SSBP4: variants seen among roughly 807,000 people sequenced by gnomAD.
SSBP4 encodes single stranded DNA binding protein 4, also known as single-stranded DNA-binding protein 4.
SSBP4 carries 33 observed loss-of-function variants against 64.6 expected under a neutral mutation model. That is an observed-to-expected ratio of 0.51 (90% CI 0.39 to 0.68). SSBP4 has a LOEUF of 0.68. Ranked by LOEUF, SSBP4 falls within the 30% of genes least tolerant of loss-of-function variation. The probability of loss-of-function intolerance (pLI) is 0.00; values close to 1 mark genes in which losing one functional copy is unlikely to be tolerated. For synonymous variants in SSBP4, 243 were observed against 224.0 expected (o/e 1.08, Z -0.76); for missense variants, 583 against 566.8 (o/e 1.03, Z -0.29).
rs1210968601 is a variant in SSBP4, at chr19:18,427,327, C to A, written c.60-24C>A. The A allele has an allele frequency of 2.5e-6, 4 of 1,606,526 alleles. No individual in the cohort carries two copies. In the Admixed American group the frequency reaches 6.7e-5, roughly 27 times the overall value. ...GCCCTTGCCTTGGAGAGTCTGAGCT[C>A]CCTGGGCCGCCTCGCCCCCACAGGT... On this transcript the variant is annotated intron_variant, in intron 1 of 17. Transcript: ENST00000270061. The surrounding 1 kb of genome is among the most constrained non-coding windows in gnomAD (Gnocchi z 4.4).
chr19:18,406,489 T>C, the SSBP4 span, among the ~76,000 whole-genome samples: 1 of 151,420 alleles, frequency 6.6e-6, no homozygotes, highest in Non-Finnish European at 1.5e-5. Context: ...CCTAAAAAAG[T>C]TTTTTTAAAT....
chr19:18,433,686 C>A (rs1202611559), intron 16 of SSBP4, 24 bp from the exon 17 acceptor site: 4 of 1,390,706 alleles, frequency 2.9e-6, no homozygotes, highest in Non-Finnish European at 3.7e-6. Context: ...CGGGGAGTTG[C>A]GAGCCGACGG....
At chr19:18,414,700 G>C (rs181024709), upstream of SSBP4, among the ~76,000 whole-genome samples, 1 of 152,290 alleles carries the variant, frequency 6.6e-6, no homozygotes, top group African/African-American at 2.4e-5. Flanking sequence ...TGTGGAGGAC[G>C]GACGTGGGGG....
At chr19:18,412,976 G>T in the SSBP4 span, among the ~76,000 whole-genome samples, 5 of 152,084 alleles carry the variant, frequency 3.3e-5, no homozygotes, top group African/African-American at 4.8e-5. Flanking sequence ...TAGGGAATGG[G>T]ACATGAGACA....
chr19:18,419,099 G>A, upstream of SSBP4: 1 of 985,606 alleles, frequency 1.0e-6, no homozygotes, highest in Non-Finnish European at 1.2e-6. Context: ...GTGTCGCTGC[G>A]AATGTGTGTG....
At chr19:18,413,888 G>C (rs1004624846), upstream of SSBP4, among the ~76,000 whole-genome samples, 1 of 152,132 alleles carries the variant, frequency 6.6e-6, no homozygotes, top group African/African-American at 2.4e-5. Context: ...GTGGTGGCAG[G>C]CACCTGTAAT....
Position 18,432,711 on chromosome 19 carries a change from C to A in SSBP4, c.762C>A (p.Ser254=), listed in dbSNP as rs752903133. ...GCCCTTGTCCCCAGATCCCCTACTC[C>A]TCCTCATCCCCCGGCAGCTACACCG... ...ASPSGNSIPY[S]SSSPGSYTGP... Residue 254 remains serine (S), a synonymous_variant, in exon 12 of 18, where the codon TCC becomes TCA. Coordinates refer to ENST00000270061, the MANE Select transcript of SSBP4 (RefSeq NM_032627.5). 1 of 1,579,314 alleles carries A rather than the reference C, an allele frequency of 6.3e-7. No individual in the cohort carries two copies. The highest frequency in any genetic ancestry group is 8.6e-7 in the Non-Finnish European group (1 of 1,158,226).
At chr19:18,406,102 A>G in the SSBP4 span, among the ~76,000 whole-genome samples, 1 of 151,990 alleles carries the variant, frequency 6.6e-6, no homozygotes, top group Non-Finnish European at 1.5e-5. Context: ...TCAGCCTCCC[A>G]AAGTGTCGGG....
chr19:18,423,432 G>C lies in SSBP4; in HGVS notation c.59+3725G>C, dbSNP rs948133051. 6.6e-6 allele frequency among the ~76,000 whole-genome samples: 1 copy of C among 152,162 alleles called. No individual in the cohort carries two copies. Among genetic ancestry groups the C allele is most frequent in the Non-Finnish European group, 1.5e-5 (1 of 68,036 alleles). On this transcript the variant is annotated intron_variant, in intron 1 of 17. Transcript: ENST00000270061. The surrounding 1 kb of genome is among the most constrained non-coding windows in gnomAD (Gnocchi z 4.0). ...AAGCTGCCAGAGGCCTGGCCTTTAG[G>C]GTTGGCAGAGGGGAGGGAGGACGGC... is the stretch of plus-strand genomic sequence containing the variant.
intron 17 of SSBP4, 84 bp from the exon 18 acceptor site, chr19:18,434,132 GT>G (rs1237088543): frequency 3.0e-5 from 47 of 1,589,728 alleles, no homozygotes; most frequent in Non-Finnish European, 3.9e-5. Flanking sequence ...GCCCTGCCCT[GT>G]CCCCCATTGT....
the SSBP4 span, among the ~76,000 whole-genome samples, chr19:18,404,618 C>T: frequency 7.9e-6 from 1 of 126,694 alleles, no homozygotes; most frequent in Non-Finnish European, 1.6e-5. Flanking sequence ...AAAGGCTGGG[C>T]GGGGTGGCTC....
At chr19:18,429,309 C>T (rs1973138376) in intron 4 of SSBP4, among the ~76,000 whole-genome samples, 1 of 151,800 alleles carries the variant, frequency 6.6e-6, no homozygotes, top group South Asian at 2.1e-4. Context: ...CAGGAAACGC[C>T]GGAGCGCCCA....
intron 17 of SSBP4, 144 bp from the exon 18 acceptor site, chr19:18,434,073 C>T (rs1197159734): frequency 3.7e-6 from 5 of 1,339,274 alleles, no homozygotes; most frequent in Non-Finnish European, 3.8e-6. Flanking sequence ...CCATGCATCG[C>T]CCCTCCCCCG....
chr19:18,433,087 A>C, intron 14 of SSBP4, 44 bp downstream of exon 14: 1 of 1,613,502 alleles, frequency 6.2e-7, no homozygotes, highest in Non-Finnish European at 8.5e-7. Flanking sequence ...CGGTGACCCC[A>C]CTTGGGGAAT....
the SSBP4 span, among the ~76,000 whole-genome samples, chr19:18,403,373 T>C: frequency 6.6e-6 from 1 of 152,220 alleles, no homozygotes; most frequent in African/African-American, 2.4e-5. Context: ...TCTTTCTCTA[T>C]ACTCTGTCTC....
At chr19:18,407,000 G>A in the SSBP4 span, among the ~76,000 whole-genome samples, 4 of 151,956 alleles carry the variant, frequency 2.6e-5, no homozygotes, top group South Asian at 4.2e-4. Flanking sequence ...CTGTGCCTTG[G>A]CTGCCTCCTC....
In SSBP4 at chr19:18,432,207, A is replaced by G. The variant is rs1256848132; in HGVS notation, c.697A>G (p.Met233Val). The stretch of plus-strand genomic sequence containing the variant: ...CCTCGCCGGCCCAGGCCTGCCTGCC[A>G]TGAACATGTAAGACCCTGGGGGATC... ...NSLAGPGLPAMNMGPGVRGPW... is the reference protein window; with the variant it reads ...NSLAGPGLPAVNMGPGVRGPW... Residue 233 changes from methionine to valine, a missense_variant, in exon 10 of 18, where the codon ATG becomes GTG. Coordinates refer to ENST00000270061, the MANE Select transcript of SSBP4 (RefSeq NM_032627.5). 13 of 1,613,014 alleles carry G rather than the reference A, an allele frequency of 8.1e-6. No individual in the cohort carries two copies. The highest frequency in any genetic ancestry group is 1.1e-5 in the South Asian group (1 of 91,092).
At position 18,431,537 on chromosome 19, in the gene SSBP4, G is replaced by T. The variant is rs868575669; in HGVS notation, c.436-110G>T. The T allele has an allele frequency of 1.5e-5, 22 of 1,440,728 alleles. No individual in the cohort carries two copies. In the African/African-American group the frequency reaches 2.7e-4, roughly 18 times the overall value. 89.2% of individuals were successfully genotyped at this position (1,440,728 alleles called of 1,614,324 possible). A position where few individuals can be genotyped will look rare whatever the true frequency, so the allele number is the denominator to read the frequency against. Reference sequence around the variant, plus strand: ...CCAGCTGGCCGGGCTTTGCTGGCTGGTTCTGGAGGAGGGGGCTCCCCAGGT... The same window carrying T: ...CCAGCTGGCCGGGCTTTGCTGGCTGTTTCTGGAGGAGGGGGCTCCCCAGGT... On this transcript the variant is annotated intron_variant, in intron 6 of 17. Coordinates refer to ENST00000270061, the MANE Select transcript of SSBP4 (RefSeq NM_032627.5).
In SSBP4 at chr19:18,433,534, G is replaced by A. The variant is rs1354629290; in HGVS notation, c.992-51G>A. ...GTCGTTGGCCCCTGGAGGCCGAGGGGCATGGCGCCAGCACGTCTGAGCCGG... is the reference window on the plus strand; with the variant it reads ...GTCGTTGGCCCCTGGAGGCCGAGGGACATGGCGCCAGCACGTCTGAGCCGG... On this transcript the variant is annotated intron_variant, in intron 15 of 17. Coordinates refer to ENST00000270061, the MANE Select transcript of SSBP4 (RefSeq NM_032627.5). 5 of 1,545,172 alleles carry A rather than the reference G, an allele frequency of 3.2e-6. No individual in the cohort carries two copies. In the East Asian group the frequency reaches 9.8e-5, roughly 30 times the overall value.
Sources: allele counts gnomAD v4.1 joint callset (sites outside exome capture counted in the v4.1 genomes callset), GRCh38; gene constraint gnomAD v4.1.1; non-coding constraint Gnocchi (gnomAD v3.1); transcripts MANE v1.5; gene names NCBI Gene and HGNC (gene_info 2026-07-23, HGNC 2026-07-21).